MGAT4A: variants seen among roughly 807,000 people sequenced by gnomAD.
The protein encoded by MGAT4A is alpha-1,3-mannosyl-glycoprotein 4-beta-N-acetylglucosaminyltransferase A.
Under a neutral mutation model 74.1 loss-of-function variants are expected in MGAT4A, and 33 were observed. The ratio of observed to expected loss-of-function variants is 0.45; its 90% CI spans 0.34 to 0.60. MGAT4A has a LOEUF of 0.60. MGAT4A is among the 20% of genes least tolerant of loss of function. The probability of loss-of-function intolerance (pLI) is 0.02; values close to 1 mark genes in which losing one functional copy is unlikely to be tolerated. For synonymous variants in MGAT4A, 198 were observed against 210.4 expected, an observed-to-expected ratio of 0.94 and a Z score of 0.51; for missense variants, 479 against 628.3, an observed-to-expected ratio of 0.76 and a Z score of 2.54.
At chr2:98,626,514 T>C (rs1701146041) in intron 14 of MGAT4A, among the ~76,000 whole-genome samples, 2 of 152,188 alleles carry the variant, frequency 1.3e-5, no homozygotes, top group Non-Finnish European at 2.9e-5. Flanking sequence ...AAGAAAATGG[T>C]TCATTGTGGG....
intron 3 of MGAT4A, 71 bp downstream of exon 3, chr2:98,678,233 G>GA (rs748879200): frequency 0.066 from 11,844 of 180,266 alleles, 16 homozygotes; most frequent in Non-Finnish European, 0.086. Flanking sequence ...CTGTCTCAAA[G>GA]AAAAAAAAAA....
intron 4 of MGAT4A, among the ~76,000 whole-genome samples, chr2:98,671,983 A>G (rs1321400096): frequency 7.5e-6 from 1 of 132,822 alleles, no homozygotes; most frequent in African/African-American, 2.8e-5. Flanking sequence ...ATCCTCCCCT[A>G]GAGATTCCAG....
intron 6 of MGAT4A, among the ~76,000 whole-genome samples, 198 bp from the exon 7 acceptor site, chr2:98,656,663 G>GT (rs554728173): frequency 4.6e-5 from 7 of 151,236 alleles, no homozygotes; most frequent in East Asian, 3.9e-4. Context: ...AATAGCAAAA[G>GT]TTTTTTTTTA....
intron 14 of MGAT4A, among the ~76,000 whole-genome samples, chr2:98,626,292 A>G (rs1701143334): frequency 6.6e-6 from 1 of 152,210 alleles, no homozygotes; most frequent in South Asian, 2.1e-4. Flanking sequence ...ATACAAGTGT[A>G]TTCTTTCCAA....
chr2:98,693,772 T>C (rs1396311137), intron 2 of MGAT4A, among the ~76,000 whole-genome samples: 1 of 151,784 alleles, frequency 6.6e-6, no homozygotes, highest in Non-Finnish European at 1.5e-5. Context: ...CGTCAACCCC[T>C]GTAGACCACG....
intron 2 of MGAT4A, among the ~76,000 whole-genome samples, chr2:98,692,393 T>G (rs545583718): frequency 2.0e-5 from 3 of 152,152 alleles, no homozygotes. Flanking sequence ...TGTGAGCCAC[T>G]ACCCCTAGCC....
chr2:98,693,217 T>C (rs1702218111), intron 2 of MGAT4A, among the ~76,000 whole-genome samples: 1 of 152,024 alleles, frequency 6.6e-6, no homozygotes, highest in African/African-American at 2.4e-5. Flanking sequence ...CAAAACTATC[T>C]GTAAGGAATA....
At chr2:98,630,734 C>T (rs746403933) in intron 14 of MGAT4A, among the ~76,000 whole-genome samples, 15 of 152,224 alleles carry the variant, frequency 9.9e-5, no homozygotes, top group Non-Finnish European at 1.9e-4. Flanking sequence ...GTTATTTATG[C>T]ATACAATACT....
chr2:98,717,435 T>A (rs1407894609), intron 2 of MGAT4A, among the ~76,000 whole-genome samples: 1 of 151,448 alleles, frequency 6.6e-6, no homozygotes, highest in Non-Finnish European at 1.5e-5. Context: ...TAGGAGGACA[T>A]GACAACTAAA....
rs182570670 is a variant in MGAT4A, at chr2:98,725,372, T to A, written c.94+867A>T. On this transcript the variant is annotated intron_variant, in intron 2 of 15. Transcript: ENST00000393487. ...CAATATGTATATATAGACATGGATG[T>A]AAACACACATCAGAAAAAAATAAGG... Among the ~76,000 whole-genome samples, 27 of 152,224 alleles carry A rather than the reference T, an allele frequency of 1.8e-4. 1 individual carries two copies. In the East Asian group the frequency reaches 5.2e-3, roughly 29 times the overall value.
chr2:98,704,512 G>A (rs1199961593), intron 2 of MGAT4A, among the ~76,000 whole-genome samples: 1 of 152,166 alleles, frequency 6.6e-6, no homozygotes, highest in African/African-American at 2.4e-5. Context: ...GGAAGCTGAA[G>A]TGGGAGGACT....
intron 1 of MGAT4A, among the ~76,000 whole-genome samples, chr2:98,727,421 G>A (rs1353023777): frequency 6.6e-6 from 1 of 152,192 alleles, no homozygotes; most frequent in Non-Finnish European, 1.5e-5. Context: ...CTCAAAAAAT[G>A]TCAACTGTAC....
intron 4 of MGAT4A, among the ~76,000 whole-genome samples, chr2:98,669,466 T>C (rs891804970): frequency 1.3e-5 from 2 of 152,188 alleles, no homozygotes; most frequent in Non-Finnish European, 2.9e-5. Flanking sequence ...TAAATCTCTT[T>C]CTTTTGTAAA....
intron 14 of MGAT4A, among the ~76,000 whole-genome samples, chr2:98,633,281 C>T (rs1701269358): frequency 6.6e-6 from 1 of 152,214 alleles, no homozygotes; most frequent in Non-Finnish European, 1.5e-5. Flanking sequence ...CAGCCCTAGA[C>T]TAGAAGCTGG....
intron 2 of MGAT4A, among the ~76,000 whole-genome samples, chr2:98,679,029 G>A (rs1381151623): frequency 1.3e-5 from 2 of 152,108 alleles, no homozygotes; most frequent in Non-Finnish European, 2.9e-5. Context: ...AACCCAGTGA[G>A]TGGCCAGGCG....
intron 8 of MGAT4A, among the ~76,000 whole-genome samples, chr2:98,650,899 G>T (rs968603214): frequency 2.0e-5 from 3 of 152,188 alleles, no homozygotes; most frequent in South Asian, 2.1e-4. Context: ...AGTGAGCCGA[G>T]ATCGCGCCAC....
chr2:98,646,090 A>G (rs147146920), intron 8 of MGAT4A, among the ~76,000 whole-genome samples: 80 of 152,316 alleles, frequency 5.3e-4, no homozygotes, highest in African/African-American at 1.9e-3. Context: ...ATAAAAGAAA[A>G]TAAATACACG....
At chr2:98,628,821 CTGTCCAATTATAAA>C (rs1334155075) in intron 14 of MGAT4A, among the ~76,000 whole-genome samples, 4 of 152,044 alleles carry the variant, frequency 2.6e-5, no homozygotes, top group Non-Finnish European at 4.4e-5. Flanking sequence ...TCTCAAAATA[CTGTCCAATTATAAA>C]TGCATCATTG....
intron 1 of MGAT4A, 95 bp from the exon 2 acceptor site, chr2:98,726,662 G>A: frequency 3.5e-6 from 1 of 288,654 alleles, no homozygotes; most frequent in East Asian, 5.9e-5. Context: ...ACTTTTGGCA[G>A]GGCTAAATTG....
Sources: gnomAD v4.1 joint callset for allele counts (sites outside exome capture counted in the v4.1 genomes callset) on GRCh38, gnomAD v4.1.1 for gene constraint, MANE v1.5 for transcripts, NCBI Gene and HGNC (gene_info 2026-07-23, HGNC 2026-07-21) for gene names.